ZNF385D: variants seen among roughly 807,000 people sequenced by gnomAD.
The protein encoded by ZNF385D is zinc finger protein 659.
Under a neutral mutation model 35.8 loss-of-function variants are expected in ZNF385D, and 15 were observed. The ratio of observed to expected loss-of-function variants is 0.42; its 90% CI spans 0.28 to 0.64. The LOEUF (loss-of-function observed/expected upper bound fraction) is 0.64. Among genes scored for constraint, ZNF385D ranks in the 30% least tolerant of loss-of-function variants. The pLI is 0.23. For missense variants in ZNF385D, 474 were observed against 494.6 expected (o/e 0.96, Z 0.39); for synonymous variants, 212 against 186.8 (o/e 1.13, Z -1.10).
chr3:22,280,844 T>C (rs536011678), intron 2 of ZNF385D, among the ~76,000 whole-genome samples: 11 of 152,254 alleles, frequency 7.2e-5, no homozygotes, highest in Admixed American at 5.9e-4. Flanking sequence ...AATTTGTAGA[T>C]TGCTTTTGGC....
intron 2 of ZNF385D, among the ~76,000 whole-genome samples, chr3:22,328,871 C>A (rs1302982439): frequency 2.0e-5 from 3 of 151,682 alleles, no homozygotes; most frequent in African/African-American, 7.3e-5. Context: ...GTCAGGAGAT[C>A]GAGACCATCC....
At chr3:22,009,155 A>G (rs1489492844) in intron 3 of ZNF385D, among the ~76,000 whole-genome samples, 1 of 152,132 alleles carries the variant, frequency 6.6e-6, no homozygotes, top group Non-Finnish European at 1.5e-5. Context: ...AAACCTAGCA[A>G]TATCCAGTAA....
intron 2 of ZNF385D, among the ~76,000 whole-genome samples, chr3:22,223,634 G>A (rs564118283): frequency 3.3e-5 from 5 of 152,152 alleles, no homozygotes; most frequent in Admixed American, 2.6e-4. Flanking sequence ...AGCATACTAT[G>A]CACCAGCCAC....
At chr3:21,458,851 T>C (rs1702992852) in intron 4 of ZNF385D, among the ~76,000 whole-genome samples, 1 of 151,974 alleles carries the variant, frequency 6.6e-6, no homozygotes, top group South Asian at 2.1e-4. Context: ...GTGGTTTCTT[T>C]AGGGGGTTCT....
intron 3 of ZNF385D, among the ~76,000 whole-genome samples, chr3:22,129,475 T>G (rs976826002): frequency 6.7e-6 from 1 of 149,970 alleles, no homozygotes; most frequent in Non-Finnish European, 1.5e-5. Flanking sequence ...TAGGGACTGG[T>G]ATCAGGGACT....
chr3:21,737,643 A>T (rs1439622815), intron 1 of ZNF385D, among the ~76,000 whole-genome samples: 1 of 152,218 alleles, frequency 6.6e-6, no homozygotes, highest in Non-Finnish European at 1.5e-5. Flanking sequence ...TTCTCAATTT[A>T]AAAACTGTAC....
At chr3:21,501,051 A>G (rs149881158) in intron 4 of ZNF385D, among the ~76,000 whole-genome samples, 1 of 152,210 alleles carries the variant, frequency 6.6e-6, no homozygotes, top group East Asian at 1.9e-4. Context: ...CTAGGGTGGG[A>G]GGGCCAGCTT....
rs1338170451 is a variant in ZNF385D, at chr3:21,658,942, G to A, written c.165+5944C>T. Among the ~76,000 whole-genome samples, 4 of 152,072 alleles carry A rather than the reference G, an allele frequency of 2.6e-5. No individual in the cohort carries two copies. The East Asian group carries it at 7.7e-4, about 29-fold the overall frequency. ...TTTAGTTTAATCTATTAACATCTAG[G>A]TGTTTTTCTAGTACCTGATAGAAGA... is the stretch of plus-strand genomic sequence containing the variant. On this transcript the variant is annotated intron_variant, in intron 2 of 7. Coordinates refer to ENST00000281523, the MANE Select transcript of ZNF385D (RefSeq NM_024697.3).
chr3:21,525,372 A>G (rs1208706941), intron 3 of ZNF385D, among the ~76,000 whole-genome samples: 1 of 152,102 alleles, frequency 6.6e-6, no homozygotes, highest in African/African-American at 2.4e-5. Flanking sequence ...AGGAAGAAAA[A>G]AGTTTTCTCT....
intron 1 of ZNF385D, among the ~76,000 whole-genome samples, chr3:21,684,365 C>CCGTTCTCCTCT (rs1553637054): frequency 1.4e-5 from 1 of 73,334 alleles, no homozygotes; most frequent in African/African-American, 5.4e-5. Flanking sequence ...TAACTGTTCT[C>CCGTTCTCCTCT]CTCTCTCTCT....
exon 2 of ZNF385D, chr3:22,372,559 G>A: frequency 1.0e-6 from 1 of 985,744 alleles, no homozygotes; most frequent in Non-Finnish European, 1.2e-6. Flanking sequence ...CTGGCATCCG[G>A]GAGGAGCAGC....
chr3:21,980,864 G>C (rs1257583086), intron 3 of ZNF385D, among the ~76,000 whole-genome samples: 14 of 152,110 alleles, frequency 9.2e-5, no homozygotes, highest in Admixed American at 2.6e-4. Flanking sequence ...ATAGCCTCCA[G>C]TTCCATCTAT....
At chr3:22,302,709 T>C (rs1056239784) in intron 2 of ZNF385D, among the ~76,000 whole-genome samples, 4 of 152,242 alleles carry the variant, frequency 2.6e-5, no homozygotes, top group East Asian at 3.9e-4. Context: ...ATTTTAGATA[T>C]TGTATTCTTG....
chr3:21,483,939 C>A (rs191725219), intron 4 of ZNF385D, among the ~76,000 whole-genome samples: 49 of 151,870 alleles, frequency 3.2e-4, no homozygotes, highest in African/African-American at 1.1e-3. Context: ...TCTTACGGAT[C>A]ATGCTATTGG....
At chr3:21,967,533 G>C (rs1023268411) in intron 3 of ZNF385D, among the ~76,000 whole-genome samples, 3 of 152,190 alleles carry the variant, frequency 2.0e-5, no homozygotes, top group Non-Finnish European at 4.4e-5. Flanking sequence ...TAAAGGGCCA[G>C]TTCCTGGAGA....
chr3:22,096,307 C>G (rs935623774), intron 3 of ZNF385D, among the ~76,000 whole-genome samples: 1 of 150,414 alleles, frequency 6.6e-6, no homozygotes, highest in Non-Finnish European at 1.5e-5. Context: ...CATGTAAACC[C>G]TGAATCTAAA....
chr3:21,485,200 A>T (rs539581285), intron 4 of ZNF385D, among the ~76,000 whole-genome samples: 3 of 152,310 alleles, frequency 2.0e-5, no homozygotes, highest in African/African-American at 7.2e-5. Context: ...TTTATTTCAC[A>T]TGTACGTGTT....
chr3:22,346,506 C>A (rs561035832), intron 2 of ZNF385D, among the ~76,000 whole-genome samples: 1 of 152,236 alleles, frequency 6.6e-6, no homozygotes, highest in Non-Finnish European at 1.5e-5. Context: ...GAACAACTTA[C>A]GAGTTTACAA....
chr3:22,173,319 A>G (rs1413572718), intron 2 of ZNF385D, among the ~76,000 whole-genome samples: 1 of 152,218 alleles, frequency 6.6e-6, no homozygotes, highest in African/African-American at 2.4e-5. Context: ...GTAGAGTATC[A>G]TTAATAATAA....
Sources: gnomAD v4.1 joint callset for allele counts (sites outside exome capture counted in the v4.1 genomes callset) on GRCh38, gnomAD v4.1.1 for gene constraint, MANE v1.5 for transcripts, NCBI Gene and HGNC (gene_info 2026-07-23, HGNC 2026-07-21) for gene names.